Variants in SUPT3H observed in about 807,000 individuals in gnomAD.
SUPT3H encodes SPT3 homolog, SAGA and STAGA complex component, also known as transcription initiation protein SPT3 homolog.
Under a neutral mutation model 44.3 loss-of-function variants are expected in SUPT3H, and 44 were observed. That is an observed-to-expected ratio of 0.99 (90% CI 0.78 to 1.28). SUPT3H has a LOEUF of 1.28. SUPT3H is among the 50% of genes most tolerant of loss of function. SUPT3H has a pLI of 0.00. For synonymous variants in SUPT3H, 124 were observed against 125.6 expected, an observed-to-expected ratio of 0.99 and a Z score of 0.09; for missense variants, 380 against 387.1, an observed-to-expected ratio of 0.98 and a Z score of 0.15.
intron 2 of SUPT3H, among the ~76,000 whole-genome samples, chr6:45,198,535 G>C (rs1816461339): frequency 6.6e-6 from 1 of 151,264 alleles, no homozygotes; most frequent in Admixed American, 6.6e-5. Context: ...ACATTAATTT[G>C]CTGAAATTTT....
intron 2 of SUPT3H, among the ~76,000 whole-genome samples, chr6:45,236,743 C>T (rs1489306003): frequency 2.6e-5 from 4 of 151,930 alleles, no homozygotes; most frequent in Non-Finnish European, 4.4e-5. Context: ...AGAATACACC[C>T]CCCGAGATCA....
chr6:44,920,137 CA>C (rs1230644524), intron 10 of SUPT3H, among the ~76,000 whole-genome samples: 1 of 152,136 alleles, frequency 6.6e-6, no homozygotes, highest in Non-Finnish European at 1.5e-5. Flanking sequence ...CTCGGCCTCC[CA>C]AAGTGCTGGG....
chr6:45,211,376 A>G lies in SUPT3H; in HGVS notation c.102-105370T>C, dbSNP rs182431532. Reference sequence around the variant, plus strand: ...TATACTGTAAAGTTTATTAAGATTCATATTATCTCCCTTAAATACAAACAA... The same window carrying G: ...TATACTGTAAAGTTTATTAAGATTCGTATTATCTCCCTTAAATACAAACAA... On this transcript the variant is annotated intron_variant, in intron 2 of 10. Transcript: ENST00000371459. 5.5e-4 allele frequency among the ~76,000 whole-genome samples: 83 copies of G among 152,226 alleles called. 1 individual carries two copies. Among genetic ancestry groups the G allele is most frequent in the African/African-American group, 2.0e-3 (82 of 41,546 alleles).
At chr6:45,182,668 T>G (rs1460405685) in intron 2 of SUPT3H, among the ~76,000 whole-genome samples, 1 of 152,236 alleles carries the variant, frequency 6.6e-6, no homozygotes, top group East Asian at 1.9e-4. Context: ...TACGAAAGCT[T>G]AATATGAAGT....
rs545068887 is a variant in SUPT3H at position 45,216,775 on chromosome 6, C to T, written c.102-110769G>A. ...ATAACAGTTGTAAATATATTTGTAC[C>T]TAACACAGGAACACCTGATATATAT... On this transcript the variant is annotated intron_variant, in intron 2 of 10. Transcript: ENST00000371459. Among the ~76,000 whole-genome samples, 3 of 152,188 alleles carry T rather than the reference C, an allele frequency of 2.0e-5. No individual in the cohort carries two copies. In the South Asian group the frequency reaches 6.2e-4, roughly 32 times the overall value.
intron 2 of SUPT3H, among the ~76,000 whole-genome samples, chr6:45,267,193 T>C (rs1447429368): frequency 2.0e-5 from 3 of 152,184 alleles, no homozygotes; most frequent in Non-Finnish European, 2.9e-5. Context: ...ACCTGTATTA[T>C]TGAAAAGGCT....
At chr6:45,292,768 G>C (rs1304611817) in intron 2 of SUPT3H, among the ~76,000 whole-genome samples, 2 of 79,286 alleles carry the variant, frequency 2.5e-5, no homozygotes, top group Non-Finnish European at 5.7e-5. Flanking sequence ...AAAAGGCCTT[G>C]TCCAACAGGA....
chr6:44,868,831 A>G (rs1404559401), intron 10 of SUPT3H, among the ~76,000 whole-genome samples: 1 of 152,208 alleles, frequency 6.6e-6, no homozygotes, highest in African/African-American at 2.4e-5. Flanking sequence ...CTTCTTGGCT[A>G]AAGTCACAAC....
chr6:44,816,484 T>C (rs998469786), intron 11 of SUPT3H, among the ~76,000 whole-genome samples: 2 of 152,178 alleles, frequency 1.3e-5, no homozygotes, highest in African/African-American at 2.4e-5. Context: ...ATATCTAATA[T>C]TATTCATAGC....
chr6:45,049,767 A>G (rs1359796722), intron 3 of SUPT3H, among the ~76,000 whole-genome samples: 2 of 152,180 alleles, frequency 1.3e-5, no homozygotes, highest in African/African-American at 4.8e-5. Flanking sequence ...TGATGGAATT[A>G]TTTCTACCCA....
chr6:44,910,577 T>C (rs543923081), intron 10 of SUPT3H, among the ~76,000 whole-genome samples: 34 of 152,264 alleles, frequency 2.2e-4, no homozygotes, highest in African/African-American at 3.9e-4. Flanking sequence ...TTATCTACCA[T>C]GACCAGAAAA....
chr6:45,090,044 G>A (rs1796944693), intron 3 of SUPT3H, among the ~76,000 whole-genome samples: 1 of 152,022 alleles, frequency 6.6e-6, no homozygotes, highest in Non-Finnish European at 1.5e-5. Flanking sequence ...GGCTTGATCA[G>A]AGGTGATATA....
intron 10 of SUPT3H, among the ~76,000 whole-genome samples, chr6:44,857,964 T>C (rs999352858): frequency 2.0e-5 from 3 of 152,182 alleles, no homozygotes; most frequent in African/African-American, 7.2e-5. Context: ...TTCATGCTGA[T>C]GAGTCTGTTC....
At chr6:45,175,007 G>C (rs1200200769) in intron 2 of SUPT3H, among the ~76,000 whole-genome samples, 2 of 85,424 alleles carry the variant, frequency 2.3e-5, no homozygotes, top group Non-Finnish European at 4.1e-5. Flanking sequence ...GTGAGCCCTC[G>C]TCACTAAAAA....
At chr6:44,904,403 T>C (rs562845299) in intron 10 of SUPT3H, among the ~76,000 whole-genome samples, 1 of 152,152 alleles carries the variant, frequency 6.6e-6, no homozygotes, top group African/African-American at 2.4e-5. Flanking sequence ...AAATCATGAG[T>C]GGACTCCCAT....
At chr6:45,280,087 A>G (rs1383070129) in intron 2 of SUPT3H, among the ~76,000 whole-genome samples, 2 of 152,176 alleles carry the variant, frequency 1.3e-5, no homozygotes, top group Non-Finnish European at 2.9e-5. Context: ...GAATCTAATC[A>G]TGTCTCACCA....
At chr6:45,118,933 G>T (rs1007600923) in intron 2 of SUPT3H, among the ~76,000 whole-genome samples, 1 of 152,156 alleles carries the variant, frequency 6.6e-6, no homozygotes, top group African/African-American at 2.4e-5. Context: ...CCACTGCCAT[G>T]AAAGTATGAC....
At chr6:44,843,412 A>G (rs1030324721) in intron 10 of SUPT3H, among the ~76,000 whole-genome samples, 1 of 152,212 alleles carries the variant, frequency 6.6e-6, no homozygotes, top group Non-Finnish European at 1.5e-5. Context: ...AGGAAAGAAA[A>G]CAAAAGGCAT....
intron 2 of SUPT3H, among the ~76,000 whole-genome samples, chr6:45,175,459 T>C (rs1811588542): frequency 6.6e-6 from 1 of 152,108 alleles, no homozygotes; most frequent in African/African-American, 2.4e-5. Context: ...GCCCCCATGA[T>C]TCAATTACCT....
Sources: allele counts gnomAD v4.1 joint callset (sites outside exome capture counted in the v4.1 genomes callset), GRCh38; gene constraint gnomAD v4.1.1; transcripts MANE v1.5; gene names NCBI Gene and HGNC (gene_info 2026-07-23, HGNC 2026-07-21).